WWC2: variants seen among roughly 807,000 people sequenced by gnomAD.
The protein encoded by WWC2 is WW and C2 domain containing 2.
In WWC2, 101 loss-of-function variants were observed where a neutral mutation model predicts 138.5. The observed-to-expected ratio is 0.73, with a 90% confidence interval of 0.62 to 0.86. The LOEUF (loss-of-function observed/expected upper bound fraction) is 0.86, where lower values mean the gene tolerates loss of function less well. Ranked by LOEUF, WWC2 falls within the 40% of genes least tolerant of loss-of-function variation. The pLI is 0.00. For synonymous variants in WWC2, 558 were observed against 538.4 expected, an observed-to-expected ratio of 1.04 and a Z score of -0.50; for missense variants, 1,420 against 1,419.4, an observed-to-expected ratio of 1.00 and a Z score of -0.01.
intron 4 of WWC2, among the ~76,000 whole-genome samples, chr4:183,215,080 C>A (rs1412277551): frequency 1.3e-5 from 2 of 152,162 alleles, no homozygotes; most frequent in Admixed American, 1.3e-4. Context: ...ATGCCTGAAG[C>A]CCCAGATAGT....
At chr4:183,148,885 A>G (rs1239059134) in intron 1 of WWC2, among the ~76,000 whole-genome samples, 1 of 152,124 alleles carries the variant, frequency 6.6e-6, no homozygotes, top group Admixed American at 6.5e-5. Context: ...CTGAGGCAGG[A>G]GGATTGGTTT....
rs528140614 is a variant in WWC2, at chr4:183,316,147, C to T, written c.*418C>T. 41 of 175,510 alleles carry T rather than the reference C, an allele frequency of 2.3e-4. No individual in the cohort carries two copies. In the South Asian group the frequency reaches 3.5e-3, roughly 15 times the overall value. 10.9% of individuals were successfully genotyped at this position (175,510 alleles called of 1,614,324 possible). ...GGCTGTGCCGATGGCAGCAGCGCCA[C>T]GTGGTATCTGTGCGCTGGCGAGGAG... On this transcript the variant is annotated 3_prime_UTR_variant, in exon 23 of 23. Coordinates refer to ENST00000403733, the MANE Select transcript of WWC2 (RefSeq NM_024949.6).
rs76271599 is a variant in WWC2 at position 183,233,035 on chromosome 4, A to G, written c.523-7148A>G. 4.4e-3 allele frequency among the ~76,000 whole-genome samples: 667 copies of G among 151,092 alleles called. 4 individuals are homozygous for G. The highest frequency in any genetic ancestry group is 0.016 in the African/African-American group (649 of 41,094). On this transcript the variant is annotated intron_variant, in intron 4 of 22. Transcript: ENST00000403733. Reference sequence around the variant, plus strand: ...ATGGATAATGCTGCTGTGAACTTACATGTACAAGTGTTTGTGTGGACATAG... The same window carrying G: ...ATGGATAATGCTGCTGTGAACTTACGTGTACAAGTGTTTGTGTGGACATAG...
At position 183,318,450 on chromosome 4, in the gene WWC2, A is replaced by G. The variant is rs1280972685; in HGVS notation, c.*2721A>G. The G allele has an allele frequency of 6.6e-6, 1 of 151,936 alleles. No homozygotes were observed. Among genetic ancestry groups the G allele is most frequent in the Admixed American group, 6.6e-5 (1 of 15,166 alleles). The allele number at this position is 151,936 out of a possible 1,614,324, so 9.4% of individuals were successfully genotyped here. A position where few individuals can be genotyped will look rare whatever the true frequency, so the allele number is the denominator to read the frequency against. On this transcript the variant is annotated 3_prime_UTR_variant, in exon 23 of 23. Transcript: ENST00000403733. ...ATCACATAGATTAACTGGTTTCTGC[A>G]CTTTCCATGTGTTTGTGGGTGGAAA...
At chr4:183,222,649 A>C (rs990154788) in intron 4 of WWC2, among the ~76,000 whole-genome samples, 36 of 152,300 alleles carry the variant, frequency 2.4e-4, no homozygotes, top group African/African-American at 8.7e-4. Context: ...TGGACATGTT[A>C]CTAGAACAAA....
chr4:183,248,797 CT>C lies in WWC2; in HGVS notation c.817del (p.Ser273LeufsTer24), dbSNP rs1438862773. The C allele has an allele frequency of 2.5e-6, 4 of 1,604,068 alleles. No homozygotes were observed. The highest frequency in any genetic ancestry group is 3.4e-6 in the Non-Finnish European group (4 of 1,174,896). ...EPDLRCSPVN[S>X]HLCLSRQTLD... is the part of the protein sequence containing the mutation. ...CAGATTTGAGATGTAGTCCTGTGAA[CT>C]CTCATTTATGTCTCTCCAGACAGAC... is the stretch of plus-strand genomic sequence containing the variant. On this transcript the variant is annotated frameshift_variant, in exon 7 of 23. Coordinates refer to ENST00000403733, the MANE Select transcript of WWC2 (RefSeq NM_024949.6). LOFTEE classifies it high-confidence loss of function.
intron 1 of WWC2, among the ~76,000 whole-genome samples, chr4:183,169,712 A>G (rs905111899): frequency 2.6e-5 from 4 of 152,174 alleles, no homozygotes; most frequent in African/African-American, 9.7e-5. Flanking sequence ...TTTATATAAT[A>G]TAGTATATAT....
chr4:183,320,279 G>A lies in WWC2; in HGVS notation c.*4550G>A. 7.0e-7 allele frequency: 1 copy of A among 1,422,866 alleles called. No individual in the cohort carries two copies. Among genetic ancestry groups the A allele is most frequent in the East Asian group, 2.3e-5 (1 of 43,830 alleles). 88.1% of individuals were successfully genotyped at this position (1,422,866 alleles called of 1,614,324 possible). On this transcript the variant is annotated 3_prime_UTR_variant, in exon 23 of 23. Transcript: ENST00000403733. Reference sequence around the variant, plus strand: ...TGCCCTTCGGTTGCTGTGAAAAGAAGTGTGACACTTGTGTTATAACTTATG... The same window carrying A: ...TGCCCTTCGGTTGCTGTGAAAAGAAATGTGACACTTGTGTTATAACTTATG...
chr4:183,245,816 G>A (rs1736759599), intron 6 of WWC2, among the ~76,000 whole-genome samples: 1 of 152,190 alleles, frequency 6.6e-6, no homozygotes, highest in Non-Finnish European at 1.5e-5. Flanking sequence ...TGGAGCTCAT[G>A]TGAGGAGATT....
chr4:183,314,489 C>T (rs957921945), intron 22 of WWC2, among the ~76,000 whole-genome samples: 8 of 152,308 alleles, frequency 5.3e-5, no homozygotes, highest in South Asian at 2.1e-4. Flanking sequence ...GGGATTTGCA[C>T]GGCTACCGTT....
chr4:183,225,654 G>T (rs1258192903), intron 4 of WWC2, among the ~76,000 whole-genome samples: 2 of 152,204 alleles, frequency 1.3e-5, no homozygotes, highest in Non-Finnish European at 2.9e-5. Flanking sequence ...AACAGGATGA[G>T]AAGCCTTTAG....
intron 19 of WWC2, among the ~76,000 whole-genome samples, chr4:183,285,108 C>G (rs1176957294): frequency 6.6e-6 from 1 of 152,086 alleles, no homozygotes; most frequent in African/African-American, 2.4e-5. Context: ...TCCTGTGAAT[C>G]GAGCCAGACC....
intron 1 of WWC2, among the ~76,000 whole-genome samples, chr4:183,173,726 G>A (rs1734362992): frequency 6.6e-6 from 1 of 152,046 alleles, no homozygotes; most frequent in Non-Finnish European, 1.5e-5. Flanking sequence ...CACACTGCGG[G>A]GGGCCAGCTG....
At chr4:183,215,231 A>G (rs1269014253) in intron 4 of WWC2, among the ~76,000 whole-genome samples, 1 of 152,246 alleles carries the variant, frequency 6.6e-6, no homozygotes, top group African/African-American at 2.4e-5. Context: ...AATAAAAGTT[A>G]TGTGGATGTG....
At chr4:183,138,355 GGT>G (rs1733185883) in intron 1 of WWC2, among the ~76,000 whole-genome samples, 1 of 151,980 alleles carries the variant, frequency 6.6e-6, no homozygotes. Context: ...TCCTCACTTT[GGT>G]CAAACTCTTG....
At chr4:183,189,310 G>C (rs894272815) in intron 1 of WWC2, among the ~76,000 whole-genome samples, 1 of 151,768 alleles carries the variant, frequency 6.6e-6, no homozygotes, top group Non-Finnish European at 1.5e-5. Context: ...GGTGGCGGGC[G>C]CCTGCAATCC....
rs747282878 is a variant in WWC2 at position 183,245,543 on chromosome 4, C to G, written c.730C>G (p.Gln244Glu). 1.4e-5 allele frequency: 22 copies of G among 1,582,036 alleles called. No individual in the cohort carries two copies. In the South Asian group the frequency reaches 2.5e-4, roughly 18 times the overall value. The part of the protein sequence containing the change: ...SGEKEKQDLM[Q>E]SLAKLQERFH... ...AGAAAAAGAAAAACAAGATCTGATG[C>G]AGGTACATTATAAAACATTTTGTTA... is the stretch of plus-strand genomic sequence containing the variant. The change falls in exon 6 of 23, where the codon CAG (glutamine) becomes GAG (glutamate). Residue 244 changes from glutamine to glutamate, a missense_variant and splice_region_variant. Physicochemically the swap from Gln to Glu is conservative, Grantham distance 29. Coordinates refer to ENST00000403733, the MANE Select transcript of WWC2 (RefSeq NM_024949.6).
intron 21 of WWC2, among the ~76,000 whole-genome samples, chr4:183,311,337 A>G (rs1293967369): frequency 2.0e-5 from 3 of 152,222 alleles, no homozygotes; most frequent in African/African-American, 4.8e-5. Context: ...TTACAACTAC[A>G]TATAACAGCG....
Position 183,165,812 on chromosome 4 carries a change from C to G in WWC2, c.132-27787C>G, listed in dbSNP as rs79340483. Reference sequence around the variant, plus strand: ...AATTTGAATGTGGTGTGATGAAATACACTTGGACAAAAAATAAGTGTTTGA... The same window carrying G: ...AATTTGAATGTGGTGTGATGAAATAGACTTGGACAAAAAATAAGTGTTTGA... On this transcript the variant is annotated intron_variant, in intron 1 of 22. Coordinates refer to ENST00000403733, the MANE Select transcript of WWC2 (RefSeq NM_024949.6). 2.1e-3 allele frequency among the ~76,000 whole-genome samples: 326 copies of G among 152,288 alleles called. 4 individuals are homozygous for G. The East Asian group carries it at 0.052, about 24-fold the overall frequency.
Sources: allele counts gnomAD v4.1 joint callset (sites outside exome capture counted in the v4.1 genomes callset), GRCh38; gene constraint gnomAD v4.1.1; transcripts MANE v1.5; gene names NCBI Gene and HGNC (gene_info 2026-07-23, HGNC 2026-07-21).